The following ZNF845 variants were observed in gnomAD, a reference collection of about 807,000 sequenced individuals.
ZNF845 encodes zinc finger protein 845.
In ZNF845, 59 loss-of-function variants were observed where a neutral mutation model predicts 76.1. The ratio of observed to expected loss-of-function variants is 0.78; its 90% confidence interval spans 0.63 to 0.96. ZNF845 has a LOEUF of 0.96. Ranked by LOEUF, ZNF845 falls within the 40% of genes least tolerant of loss-of-function variation. The pLI, the probability that ZNF845 is intolerant of heterozygous loss-of-function variation, is 0.00. For missense variants in ZNF845, 1,045 were observed against 1,172.8 expected, an observed-to-expected ratio of 0.89 and a Z score of 1.59; for synonymous variants, 361 against 386.9, an observed-to-expected ratio of 0.93 and a Z score of 0.78.
At chr19:53,344,366 C>T (rs147482783) in intron 2 of ZNF845, among the ~76,000 whole-genome samples, 2,980 of 151,944 alleles carry the variant, frequency 0.02, 97 homozygotes, top group African/African-American at 0.068. Context: ...GGTGAAACCC[C>T]GTTTCTACTA....
Position 53,353,784 on chromosome 19 carries a change from G to T in ZNF845, c.*196G>T, listed in dbSNP as rs1194344964. 1.3e-6 allele frequency: 2 copies of T among 1,513,552 alleles called. No homozygotes were observed. Among genetic ancestry groups the T allele is most frequent in the Non-Finnish European group, 1.8e-6 (2 of 1,132,866 alleles). The allele number at this position is 1,513,552 out of a possible 1,614,324, so 93.8% of individuals were successfully genotyped here. ...TGTACTGAGTGTGGCAAAGCCTTTA[G>T]TGGGCAGTCAACACTTATTCACCAT... On this transcript the variant is annotated 3_prime_UTR_variant, in exon 4 of 4. Transcript: ENST00000458035.
intron 1 of ZNF845, among the ~76,000 whole-genome samples, chr19:53,339,370 T>C (rs114555037): frequency 0.021 from 3,170 of 152,260 alleles, 115 homozygotes; most frequent in African/African-American, 0.072. Context: ...CAGTCCTCCC[T>C]TTCCCGTTGT....
chr19:53,347,274 T>C (rs2085302982), intron 3 of ZNF845, among the ~76,000 whole-genome samples: 1 of 151,260 alleles, frequency 6.6e-6, no homozygotes, highest in African/African-American at 2.4e-5. Flanking sequence ...TTTCTTTCTT[T>C]CTTTTTTTTT....
intron 2 of ZNF845, 112 bp downstream of exon 2, chr19:53,341,434 G>A (rs1047143356): frequency 2.8e-5 from 42 of 1,481,906 alleles, no homozygotes; most frequent in Non-Finnish European, 3.3e-5. Context: ...AGGTTTGCTC[G>A]CACTCACCCA....
chr19:53,352,107 C>T lies in ZNF845; in HGVS notation c.1432C>T (p.Gln478Ter). Reference protein sequence around the residue: ...KCNDCGKTFSQTSSLVYHRRL... With the variant: ...KCNDCGKTFS ...TAATGATTGTGGCAAGACCTTCAGT[C>T]AGACATCATCCCTTGTATACCATCG... The change falls in exon 4 of 4, where the codon CAG (glutamine) becomes TAG (stop). Residue 478 changes from glutamine (Q) to a stop codon, truncating the protein, a stop_gained. Transcript: ENST00000458035. LOFTEE classifies it high-confidence loss of function. 1.9e-6 allele frequency: 3 copies of T among 1,613,832 alleles called. No individual in the cohort carries two copies. The highest frequency in any genetic ancestry group is 2.5e-6 in the Non-Finnish European group (3 of 1,179,920).
rs561893745 is a variant in ZNF845 at position 53,343,504 on chromosome 19, C to T, written c.16-2002C>T. Among the ~76,000 whole-genome samples, 18 of 152,260 alleles carry T rather than the reference C, an allele frequency of 1.2e-4. No individual in the cohort carries two copies. In the East Asian group the frequency reaches 2.3e-3, roughly 20 times the overall value. ...TTAGATCTGACAAGATTCCCCCCTG[C>T]CCCCACCTGCCAATGTATCCTCTTC... On this transcript the variant is annotated intron_variant, in intron 2 of 3. Coordinates refer to ENST00000458035, the MANE Select transcript of ZNF845 (RefSeq NM_138374.3).
intron 1 of ZNF845, among the ~76,000 whole-genome samples, chr19:53,334,948 G>C (rs1403123408): frequency 6.6e-6 from 1 of 152,146 alleles, no homozygotes; most frequent in Non-Finnish European, 1.5e-5. Context: ...GTTCAGATGA[G>C]TGGGTGAGTT....
chr19:53,335,616 T>C (rs2147027099), intron 1 of ZNF845, among the ~76,000 whole-genome samples: 1 of 150,842 alleles, frequency 6.6e-6, no homozygotes, highest in Middle Eastern at 3.4e-3. Flanking sequence ...TTGTTTTTGT[T>C]TTTTTGAGAT....
chr19:53,342,176 A>G (rs1269604283), intron 2 of ZNF845, among the ~76,000 whole-genome samples: 3 of 151,706 alleles, frequency 2.0e-5, no homozygotes, highest in Non-Finnish European at 4.4e-5. Context: ...GTGCAGTGGC[A>G]TGATCTTGGC....
At chr19:53,334,619 G>A (rs2085199858) in intron 1 of ZNF845, among the ~76,000 whole-genome samples, 1 of 152,074 alleles carries the variant, frequency 6.6e-6, no homozygotes, top group Non-Finnish European at 1.5e-5. Flanking sequence ...AAGAAAGGGG[G>A]GCTGGGCGCA....
chr19:53,341,064 T>G (rs566925680), intron 1 of ZNF845, 171 bp from the exon 2 acceptor site: 43 of 653,454 alleles, frequency 6.6e-5, no homozygotes, highest in East Asian at 3.4e-4. Context: ...TCTGCATGCT[T>G]CTTTCTGTTT....
chr19:53,341,304 A>G lies in ZNF845; in HGVS notation c.-4A>G, dbSNP rs776990572. On this transcript the variant is annotated 5_prime_UTR_variant, in exon 2 of 4. Coordinates refer to ENST00000458035, the MANE Select transcript of ZNF845 (RefSeq NM_138374.3). ...AGAGGAAGAGGAAAGCAAAGGAGTC[A>G]GGGATGGCTCTTTCTCAGGTGAGAT... The G allele has an allele frequency of 1.2e-6, 2 of 1,613,922 alleles. No individual in the cohort carries two copies. Among genetic ancestry groups the G allele is most frequent in the Non-Finnish European group, 8.5e-7 (1 of 1,179,946 alleles).
intron 2 of ZNF845, 99 bp from the exon 3 acceptor site, chr19:53,345,407 C>G: frequency 4.4e-6 from 7 of 1,599,722 alleles, no homozygotes; most frequent in Non-Finnish European, 5.1e-6. Flanking sequence ...AGAACATTCA[C>G]TACAATTAAA....
At chr19:53,345,709 G>C (rs1462255708) in intron 3 of ZNF845, 77 bp downstream of exon 3, 1 of 1,594,270 alleles carries the variant, frequency 6.3e-7, no homozygotes. Context: ...TAGATACAAT[G>C]TCTTGCTCTG....
chr19:53,352,695 C>A lies in ZNF845; in HGVS notation c.2020C>A (p.Arg674=). 6.2e-7 allele frequency: 1 copy of A among 1,613,824 alleles called. No homozygotes were observed. Among genetic ancestry groups the A allele is most frequent in the East Asian group, 2.2e-5 (1 of 44,850 alleles). ...RCNECGKTFS[R]KSYLTCHRRL... is the part of the protein sequence containing the mutation. The stretch of plus-strand genomic sequence containing the variant: ...TAATGAATGTGGCAAGACCTTTAGT[C>A]GGAAGTCATACCTTACATGCCATCG... The change falls in exon 4 of 4, where the codon CGG becomes AGG. Residue 674 remains arginine (R), a synonymous_variant. Coordinates refer to ENST00000458035, the MANE Select transcript of ZNF845 (RefSeq NM_138374.3).
At chr19:53,349,927 C>G (rs2085322020) in intron 3 of ZNF845, among the ~76,000 whole-genome samples, 1 of 152,054 alleles carries the variant, frequency 6.6e-6, no homozygotes, top group South Asian at 2.1e-4. Context: ...CCCAGCTACT[C>G]AGGAGGCTGA....
chr19:53,340,415 C>T (rs1225243788), intron 1 of ZNF845, among the ~76,000 whole-genome samples: 1 of 152,122 alleles, frequency 6.6e-6, no homozygotes, highest in African/African-American at 2.4e-5. Context: ...CTCCCCTGAA[C>T]GCTACAGTCC....
intron 1 of ZNF845, among the ~76,000 whole-genome samples, chr19:53,338,612 T>C (rs1568733270): frequency 6.8e-6 from 1 of 147,306 alleles, no homozygotes; most frequent in Non-Finnish European, 1.5e-5. Flanking sequence ...CACCGTGAAC[T>C]GCAGCCCGAG....
At chr19:53,344,129 G>A (rs962234930) in intron 2 of ZNF845, among the ~76,000 whole-genome samples, 4 of 151,950 alleles carry the variant, frequency 2.6e-5, no homozygotes, top group Non-Finnish European at 5.9e-5. Context: ...ATGTGCCACT[G>A]TGCCAGGCTG....
Sources: allele counts gnomAD v4.1 joint callset (sites outside exome capture counted in the v4.1 genomes callset), GRCh38; gene constraint gnomAD v4.1.1; transcripts MANE v1.5; gene names NCBI Gene and HGNC (gene_info 2026-07-23, HGNC 2026-07-21).